The following USP13 variants were observed in gnomAD, a reference collection of about 807,000 sequenced individuals.
USP13 encodes the protein ubiquitin specific peptidase 13.
Under a neutral mutation model 107.8 loss-of-function variants are expected in USP13, and 68 were observed. That is an observed-to-expected ratio of 0.63 (90% CI 0.52 to 0.77). USP13 has a LOEUF of 0.77. Ranked by LOEUF, USP13 falls within the 30% of genes least tolerant of loss-of-function variation. The pLI is 0.00. For missense variants in USP13, 945 were observed against 1,093.3 expected (o/e 0.86, Z 1.91); for synonymous variants, 377 against 389.5 (o/e 0.97, Z 0.38).
chr3:179,663,704 C>T (rs1720514689), intron 1 of USP13, among the ~76,000 whole-genome samples: 1 of 152,238 alleles, frequency 6.6e-6, no homozygotes, highest in Non-Finnish European at 1.5e-5. Flanking sequence ...TCTAACATGG[C>T]ACATCACCTC....
chr3:179,698,330 A>T (rs142051627), intron 3 of USP13, among the ~76,000 whole-genome samples: 1 of 152,318 alleles, frequency 6.6e-6, no homozygotes, highest in East Asian at 1.9e-4. Context: ...TTGTTTGTGG[A>T]GTCCCCTAGT....
At chr3:179,669,203 C>CT (rs1720672768) in intron 1 of USP13, among the ~76,000 whole-genome samples, 1 of 152,178 alleles carries the variant, frequency 6.6e-6, no homozygotes, top group South Asian at 2.1e-4. Context: ...GCTCACGCCT[C>CT]TAATCCCAGC....
chr3:179,728,965 G>A (rs867938715), intron 8 of USP13, among the ~76,000 whole-genome samples: 25 of 136,058 alleles, frequency 1.8e-4, no homozygotes, highest in African/African-American at 5.3e-4. Context: ...GAGGGAGACC[G>A]TGGGGAGACG....
chr3:179,653,076 G>T lies in USP13; in HGVS notation c.-150G>T, dbSNP rs1720130310. The T allele has an allele frequency of 1.6e-6, 1 of 627,202 alleles. No individual in the cohort carries two copies. The allele number at this position is 627,202 out of a possible 1,614,324, so 38.9% of individuals were successfully genotyped here. On this transcript the variant is annotated 5_prime_UTR_variant, in exon 1 of 21. Transcript: ENST00000263966. The surrounding 1 kb of genome is among the most constrained non-coding windows in gnomAD (Gnocchi z 4.0). ...AGCCCGCGGTGCCCGCTCCCGCCCC[G>T]CAGCCCGCTCTCCCCGCCCGCCCCG... is the stretch of plus-strand genomic sequence containing the variant.
intron 11 of USP13, among the ~76,000 whole-genome samples, chr3:179,741,653 G>A (rs1222145751): frequency 2.0e-5 from 3 of 152,072 alleles, no homozygotes; most frequent in African/African-American, 4.8e-5. Flanking sequence ...CACTGTGCCC[G>A]GCCAACAGCC....
intron 10 of USP13, among the ~76,000 whole-genome samples, chr3:179,732,005 G>GGAAAGAGAAGGGAGATTA (rs1195452561): frequency 0.011 from 1,629 of 152,130 alleles, 17 homozygotes; most frequent in Middle Eastern, 0.058. Flanking sequence ...AAGGGAGATT[G>GGAAAGAGAAGGGAGATTA]TGGAAAGAAC....
Position 179,730,079 on chromosome 3 carries a change from G to A in USP13, c.1089-110G>A, listed in dbSNP as rs551593541. 8.2e-6 allele frequency: 8 copies of A among 975,644 alleles called. No individual in the cohort carries two copies. The Admixed American group carries it at 1.1e-4, about 14-fold the overall frequency. The allele number at this position is 975,644 out of a possible 1,614,324, so 60.4% of individuals were successfully genotyped here. A position where few individuals can be genotyped will look rare whatever the true frequency, so the allele number is the denominator to read the frequency against. ...TGAAAAACTTTTCTTCAGGTAGATT[G>A]TTTAGTTTGACAAAGGGGCAAGAAG... is the stretch of plus-strand genomic sequence containing the variant. On this transcript the variant is annotated intron_variant, in intron 8 of 20. Coordinates refer to ENST00000263966, the MANE Select transcript of USP13 (RefSeq NM_003940.3).
chr3:179,779,523 C>G (rs1250487849), intron 19 of USP13, among the ~76,000 whole-genome samples: 1 of 151,828 alleles, frequency 6.6e-6, no homozygotes, highest in African/African-American at 2.4e-5. Flanking sequence ...GAGCGAGACT[C>G]CATGTCAAAC....
intron 8 of USP13, among the ~76,000 whole-genome samples, chr3:179,727,172 T>G (rs1336150033): frequency 6.6e-6 from 1 of 150,456 alleles, no homozygotes; most frequent in East Asian, 1.9e-4. Context: ...TGTTTTTTTT[T>G]TTTTTTTTTT....
intron 6 of USP13, among the ~76,000 whole-genome samples, chr3:179,711,890 T>C (rs1341919415): frequency 6.6e-6 from 1 of 152,256 alleles, no homozygotes; most frequent in Non-Finnish European, 1.5e-5. Context: ...AATTATGTAC[T>C]GTACGTAAAA....
intron 8 of USP13, among the ~76,000 whole-genome samples, chr3:179,728,205 C>T (rs1484983677): frequency 6.8e-6 from 1 of 147,038 alleles, no homozygotes; most frequent in Non-Finnish European, 1.5e-5. Context: ...GGGGGCTGAC[C>T]CCCCCACCTC....
At position 179,785,983 on chromosome 3, in the gene USP13, G is replaced by T. The variant is rs1272967536; in HGVS notation, c.*1842G>T. On this transcript the variant is annotated 3_prime_UTR_variant, in exon 21 of 21. Transcript: ENST00000263966. ...TGGTATGCCATGGTGGGTTGTAGTA[G>T]ATGGTGCTCCCTGCCTTTTCTCCTC... The T allele has an allele frequency of 6.6e-6, 1 of 152,282 alleles. No individual in the cohort carries two copies. Among genetic ancestry groups the T allele is most frequent in the Non-Finnish European group, 1.5e-5 (1 of 68,078 alleles). The allele number at this position is 152,282 out of a possible 1,614,324, so 9.4% of individuals were successfully genotyped here. A position where few individuals can be genotyped will look rare whatever the true frequency, so the allele number is the denominator to read the frequency against.
At chr3:179,704,848 G>C (rs770388175) in intron 4 of USP13, among the ~76,000 whole-genome samples, 2 of 152,140 alleles carry the variant, frequency 1.3e-5, no homozygotes, top group Non-Finnish European at 2.9e-5. Context: ...CCTCCTCCTT[G>C]TTCCTGACTG....
Position 179,740,384 on chromosome 3 carries a change from G to A in USP13, c.1380+12G>A, listed in dbSNP as rs149699048. 3.1e-6 allele frequency: 5 copies of A among 1,613,810 alleles called. No individual in the cohort carries two copies. In the Admixed American group the frequency reaches 5.0e-5, roughly 16 times the overall value. ...TGAATCTAGTAGAGGTGAGTAGTCA[G>A]TCTTCACGGATGCTCAGCGGGGTTG... On this transcript the variant is annotated intron_variant, in intron 11 of 20. Transcript: ENST00000263966.
At chr3:179,759,287 A>G (rs2108532597) in intron 16 of USP13, among the ~76,000 whole-genome samples, 1 of 152,090 alleles carries the variant, frequency 6.6e-6, no homozygotes, top group East Asian at 1.9e-4. Context: ...AGCCGGAATT[A>G]TGTATTTCTG....
At chr3:179,695,403 A>C (rs1047407984) in intron 3 of USP13, among the ~76,000 whole-genome samples, 3 of 152,114 alleles carry the variant, frequency 2.0e-5, no homozygotes, top group Admixed American at 6.6e-5. Context: ...AGCTGAGGCC[A>C]CTGGCTGGTG....
Position 179,764,183 on chromosome 3 carries a change from C to CTGTG in USP13, c.2259+44_2259+47dup, listed in dbSNP as rs3222346. The CTGTG allele has an allele frequency of 2.3e-3, 3,383 of 1,447,606 alleles. 1 individual carries two copies. The highest frequency in any genetic ancestry group is 2.5e-3 in the Non-Finnish European group (2,658 of 1,080,332). 89.7% of individuals were successfully genotyped at this position (1,447,606 alleles called of 1,614,324 possible). ...TACGAGCAACGGTGAGCATGAGAGA[C>CTGTG]TGTGTGTGTGTGTGTGTGTGTGTGT... On this transcript the variant is annotated intron_variant, in intron 18 of 20. Coordinates refer to ENST00000263966, the MANE Select transcript of USP13 (RefSeq NM_003940.3).
At chr3:179,747,757 C>T (rs1714459799) in intron 13 of USP13, among the ~76,000 whole-genome samples, 1 of 152,218 alleles carries the variant, frequency 6.6e-6, no homozygotes, top group Non-Finnish European at 1.5e-5. Flanking sequence ...GTGATTCCAT[C>T]TGTAATGGAG....
intron 13 of USP13, among the ~76,000 whole-genome samples, chr3:179,750,142 G>T (rs551343404): frequency 6.6e-6 from 1 of 151,744 alleles, no homozygotes; most frequent in Admixed American, 6.6e-5. Flanking sequence ...GCAGGCACCT[G>T]TAATCCCAGC....
Sources: gnomAD v4.1 joint callset for allele counts (sites outside exome capture counted in the v4.1 genomes callset) on GRCh38, gnomAD v4.1.1 for gene constraint, Gnocchi (gnomAD v3.1) non-coding constraint, MANE v1.5 for transcripts, NCBI Gene and HGNC (gene_info 2026-07-23, HGNC 2026-07-21) for gene names.